Variants in LYPLA1 observed in about 807,000 individuals in gnomAD.
The protein encoded by LYPLA1 is lysophospholipase 1, also known as acyl-protein thioesterase 1.
Under a neutral mutation model 34.0 loss-of-function variants are expected in LYPLA1, and 17 were observed. The observed-to-expected ratio is 0.50, with a 90% CI of 0.34 to 0.75. The LOEUF (loss-of-function observed/expected upper bound fraction) is 0.75. LYPLA1 is among the 30% of genes least tolerant of loss of function. The pLI is 0.01. For synonymous variants in LYPLA1, 98 were observed against 100.8 expected, an observed-to-expected ratio of 0.97 and a Z score of 0.17; for missense variants, 203 against 288.8, an observed-to-expected ratio of 0.70 and a Z score of 2.15.
chr8:54,101,611 G>T, intron 1 of LYPLA1, 144 bp downstream of exon 1: 2 of 1,150,030 alleles, frequency 1.7e-6, no homozygotes, highest in Non-Finnish European at 2.1e-6. Flanking sequence ...ACCCGGCCGC[G>T]CGGACCATTC....
At chr8:54,058,651 C>T (rs1444148263) in intron 5 of LYPLA1, among the ~76,000 whole-genome samples, 1 of 152,098 alleles carries the variant, frequency 6.6e-6, no homozygotes. Flanking sequence ...CAGGGTCTCA[C>T]TCTGTTGCTG....
At chr8:54,075,317 T>C (rs1309111816) in intron 2 of LYPLA1, among the ~76,000 whole-genome samples, 1 of 152,232 alleles carries the variant, frequency 6.6e-6, no homozygotes, top group Non-Finnish European at 1.5e-5. Flanking sequence ...GGGTAGAGGT[T>C]ATGCTTGTGT....
At chr8:54,097,073 G>A (rs944558897) in intron 2 of LYPLA1, among the ~76,000 whole-genome samples, 1 of 152,098 alleles carries the variant, frequency 6.6e-6, no homozygotes, top group Non-Finnish European at 1.5e-5. Flanking sequence ...AATTATCAAT[G>A]GATGATAAAA....
intron 2 of LYPLA1, among the ~76,000 whole-genome samples, chr8:54,082,243 A>G (rs926980161): frequency 6.6e-6 from 1 of 152,192 alleles, no homozygotes; most frequent in Non-Finnish European, 1.5e-5. Flanking sequence ...ATCAAAAAGA[A>G]TTTATACAGC....
intron 2 of LYPLA1, among the ~76,000 whole-genome samples, chr8:54,087,499 G>GAAACAAAC (rs558301990): frequency 6.6e-6 from 1 of 152,152 alleles, no homozygotes; most frequent in African/African-American, 2.4e-5. Context: ...TACTCTGTCT[G>GAAACAAAC]AAACAAACAA....
rs1809726894 is a variant in LYPLA1 at position 54,096,868 on chromosome 8, A to T, written c.101+4040T>A. The stretch of plus-strand genomic sequence containing the variant: ...AGGTTCAGTGAGCCGAGATTGCACC[A>T]CTGCACTCCAGCCTGGCTGGGTGAC... On this transcript the variant is annotated intron_variant, in intron 2 of 8. Transcript: ENST00000316963. Among the ~76,000 whole-genome samples, 4 of 152,168 alleles carry T rather than the reference A, an allele frequency of 2.6e-5. No homozygotes were observed. The South Asian group carries it at 8.3e-4, about 31-fold the overall frequency.
intron 5 of LYPLA1, 147 bp from the exon 6 acceptor site, chr8:54,055,280 C>T: frequency 1.8e-6 from 1 of 570,482 alleles, no homozygotes; most frequent in South Asian, 2.4e-5. Context: ...CATTAAAATA[C>T]AAAATTAGAA....
chr8:54,095,955 C>T (rs182627423), intron 2 of LYPLA1, among the ~76,000 whole-genome samples: 5 of 152,210 alleles, frequency 3.3e-5, no homozygotes, highest in East Asian at 1.9e-4. Flanking sequence ...TAAGTAGAGG[C>T]AATATGTGAT....
chr8:54,054,867 C>T (rs1246354208), intron 6 of LYPLA1, 193 bp downstream of exon 6: 10 of 523,004 alleles, frequency 1.9e-5, no homozygotes, highest in Non-Finnish European at 3.0e-5. Context: ...TACATGTGTA[C>T]ATGTGTATTA....
intron 2 of LYPLA1, among the ~76,000 whole-genome samples, chr8:54,066,907 G>A (rs932273328): frequency 1.3e-5 from 2 of 152,126 alleles, no homozygotes; most frequent in African/African-American, 4.8e-5. Flanking sequence ...GGGCACAGTG[G>A]CTCATGCTTA....
rs1805521967 is a variant in LYPLA1 at position 54,046,974 on chromosome 8, C to G, written c.*1091G>C. On this transcript the variant is annotated 3_prime_UTR_variant, in exon 9 of 9. Coordinates refer to ENST00000316963, the MANE Select transcript of LYPLA1 (RefSeq NM_006330.4). ...CAGATGAAAATAAAGCAAAAAATTA[C>G]AATAGATTCCTCATCTTCTACAGTA... The G allele has an allele frequency of 6.6e-6, 1 of 152,090 alleles. No individual in the cohort carries two copies. The highest frequency in any genetic ancestry group is 2.4e-5 in the African/African-American group (1 of 41,432). The allele number at this position is 152,090 out of a possible 1,614,324, so 9.4% of individuals were successfully genotyped here. A position where few individuals can be genotyped will look rare whatever the true frequency, so the allele number is the denominator to read the frequency against.
intron 2 of LYPLA1, among the ~76,000 whole-genome samples, chr8:54,081,073 G>T (rs1040916730): frequency 3.9e-5 from 6 of 152,140 alleles, no homozygotes; most frequent in Non-Finnish European, 8.8e-5. Flanking sequence ...CAGCTTTAAG[G>T]TATGGACTTT....
downstream of LYPLA1, among the ~76,000 whole-genome samples, chr8:54,044,423 G>T (rs779840268): frequency 6.6e-6 from 1 of 152,078 alleles, no homozygotes; most frequent in Non-Finnish European, 1.5e-5. Flanking sequence ...ATTTAACTTC[G>T]TGTGTTGACA....
At chr8:54,078,497 G>A (rs1808068355) in intron 2 of LYPLA1, among the ~76,000 whole-genome samples, 1 of 152,110 alleles carries the variant, frequency 6.6e-6, no homozygotes, top group Non-Finnish European at 1.5e-5. Context: ...ACTTTACAAT[G>A]GCACAAAAGC....
At chr8:54,101,503 G>C (rs1019764741) in intron 1 of LYPLA1, 1 of 1,124,556 alleles carries the variant, frequency 8.9e-7, no homozygotes, top group Admixed American at 4.9e-5. Flanking sequence ...GCCGGCCCGC[G>C]GGGGTCCCGG....
rs1269260710 is a variant in LYPLA1, at chr8:54,046,521, TC to T, written c.*1543del. ...GTAGAAGTGAAATAACAGTTTATGT[TC>T]TTCAAGGTAAAGAAAAATGACATAG... On this transcript the variant is annotated 3_prime_UTR_variant, in exon 9 of 9. Transcript: ENST00000316963. 1 of 152,658 alleles carries T rather than the reference TC, an allele frequency of 6.6e-6. No individual in the cohort carries two copies. Among genetic ancestry groups the T allele is most frequent in the East Asian group, 1.9e-4 (1 of 5,204 alleles). The allele number at this position is 152,658 out of a possible 1,614,324, so 9.5% of individuals were successfully genotyped here.
intron 2 of LYPLA1, among the ~76,000 whole-genome samples, chr8:54,069,484 C>T (rs1468754797): frequency 1.3e-5 from 2 of 152,102 alleles, no homozygotes; most frequent in East Asian, 3.9e-4. Flanking sequence ...GAGGCCAAGG[C>T]GGGCAGATCC....
In LYPLA1 at chr8:54,062,276, C is replaced by A. The variant is rs773491434; in HGVS notation, c.264G>T (p.Gly88=). 3.7e-6 allele frequency: 6 copies of A among 1,606,618 alleles called. No individual in the cohort carries two copies. Among genetic ancestry groups the A allele is most frequent in the Non-Finnish European group, 5.1e-6 (6 of 1,177,120 alleles). Residue 88 remains glycine (G), a synonymous_variant, in exon 5 of 9, where the codon GGG becomes GGT. Coordinates refer to ENST00000316963, the MANE Select transcript of LYPLA1 (RefSeq NM_006330.4). The stretch of plus-strand genomic sequence containing the variant: ...TACTATTTTCTGCTGCCTGTTTAAT[C>A]CCAGATTCATCCTCCTGTGAATCTG... The part of the protein sequence containing the change: ...LSPDSQEDES[G]IKQAAENIKA...
chr8:54,100,542 T>C (rs912862148), intron 2 of LYPLA1: 18 of 262,194 alleles, frequency 6.9e-5, no homozygotes, highest in East Asian at 4.1e-4. Flanking sequence ...AGTTCTCTTA[T>C]CAAAATCAAC....
Sources: allele counts gnomAD v4.1 joint callset (sites outside exome capture counted in the v4.1 genomes callset), GRCh38; gene constraint gnomAD v4.1.1; transcripts MANE v1.5; gene names NCBI Gene and HGNC (gene_info 2026-07-23, HGNC 2026-07-21).